TNIK: variants seen among roughly 807,000 people sequenced by gnomAD.
The protein encoded by TNIK is TRAF2 and NCK-interacting protein kinase.
Under a neutral mutation model 191.3 loss-of-function variants are expected in TNIK, and 49 were observed. The observed-to-expected ratio is 0.26, with a 90% CI of 0.20 to 0.32. The LOEUF is 0.32. TNIK is among the 10% of genes least tolerant of loss of function. The probability of loss-of-function intolerance (pLI) is 1.00; values close to 1 mark genes in which losing one functional copy is unlikely to be tolerated. For synonymous variants in TNIK, 594 were observed against 600.9 expected (o/e 0.99, Z 0.17); for missense variants, 1,155 against 1,702.3 (o/e 0.68, Z 5.66).
intron 3 of TNIK, among the ~76,000 whole-genome samples, chr3:171,214,276 A>AT (rs1741201598): frequency 6.6e-6 from 1 of 151,952 alleles, no homozygotes; most frequent in African/African-American, 2.4e-5. Flanking sequence ...GCCTCTCACA[A>AT]TATGGCCCAT....
intron 6 of TNIK, among the ~76,000 whole-genome samples, chr3:171,190,070 T>C (rs866156047): frequency 6.6e-6 from 1 of 152,208 alleles, no homozygotes; most frequent in Non-Finnish European, 1.5e-5. Flanking sequence ...TTCATGCTCT[T>C]ACTCATATAC....
chr3:171,339,907 G>A (rs1184412240), intron 2 of TNIK, among the ~76,000 whole-genome samples: 2 of 152,138 alleles, frequency 1.3e-5, no homozygotes, highest in African/African-American at 4.8e-5. Context: ...GCCTTATTAG[G>A]CTGTGTTAAT....
At chr3:171,206,335 G>GTACA (rs1553855835) in intron 4 of TNIK, among the ~76,000 whole-genome samples, 1 of 133,072 alleles carries the variant, frequency 7.5e-6, no homozygotes, top group African/African-American at 2.6e-5. Context: ...ATATGTTCGT[G>GTACA]TATATATATA....
chr3:171,339,324 A>G (rs1201032162), intron 2 of TNIK, among the ~76,000 whole-genome samples: 2 of 152,192 alleles, frequency 1.3e-5, no homozygotes, highest in Non-Finnish European at 2.9e-5. Flanking sequence ...GGCTCTAGCC[A>G]TGTGTCCACT....
In TNIK at chr3:171,093,966, G is replaced by A. The variant is rs762261994; in HGVS notation, c.2594C>T (p.Pro865Leu). ...CTCGTTGCTGCCTGGAGCTCCTGTT[G>A]GTCTGAGATGAGAAGGAACAACATT... ...VAVSDIPRLIPTGAPGSNEQY... is the reference protein window; with the variant it reads ...VAVSDIPRLILTGAPGSNEQY... The change falls in exon 23 of 33, where the codon CCA becomes CTA. Residue 865 changes from proline to leucine, a missense_variant and splice_region_variant. Pro to Leu is a moderately conservative substitution (Grantham distance 98). Transcript: ENST00000436636. The A allele has an allele frequency of 8.7e-6, 14 of 1,611,480 alleles. No homozygotes were observed. The highest frequency in any genetic ancestry group is 1.3e-5 in the African/African-American group (1 of 74,872).
chr3:171,304,862 G>A (rs564858394), intron 2 of TNIK, among the ~76,000 whole-genome samples: 1 of 152,168 alleles, frequency 6.6e-6, no homozygotes, highest in African/African-American at 2.4e-5. Context: ...CCGTTGTGGG[G>A]TGGGGGGAGT....
At chr3:171,353,642 T>TA (rs996483781) in intron 2 of TNIK, among the ~76,000 whole-genome samples, 3 of 151,902 alleles carry the variant, frequency 2.0e-5, no homozygotes, top group Non-Finnish European at 4.4e-5. Context: ...GACTCAGGAT[T>TA]AAAAAAAATA....
At chr3:171,113,610 GAAAA>G (rs558311545) in intron 18 of TNIK, among the ~76,000 whole-genome samples, 2 of 127,894 alleles carry the variant, frequency 1.6e-5, no homozygotes, top group Non-Finnish European at 1.7e-5. Context: ...TGTCTGTCTC[GAAAA>G]AAAAAAAAAG....
At chr3:171,453,690 G>C (rs1019922284) in intron 1 of TNIK, among the ~76,000 whole-genome samples, 1 of 152,172 alleles carries the variant, frequency 6.6e-6, no homozygotes, top group African/African-American at 2.4e-5. Flanking sequence ...AGGAGGAGGG[G>C]AGGTCCTGTT....
At chr3:171,239,665 G>A (rs1021324811) in intron 2 of TNIK, among the ~76,000 whole-genome samples, 3 of 152,222 alleles carry the variant, frequency 2.0e-5, no homozygotes, top group African/African-American at 7.2e-5. Context: ...ATTTGCGATT[G>A]TGATTTCTGA....
chr3:171,284,124 G>A (rs890854800), intron 2 of TNIK, among the ~76,000 whole-genome samples: 1 of 151,960 alleles, frequency 6.6e-6, no homozygotes, highest in African/African-American at 2.4e-5. Context: ...CTGGAGGGGG[G>A]CGGCAGGGAG....
chr3:171,188,921 A>C lies in TNIK; in HGVS notation c.509-89T>G, dbSNP rs1737689384. 2.1e-6 allele frequency: 3 copies of C among 1,458,414 alleles called. No homozygotes were observed. In the Admixed American group the frequency reaches 5.9e-5, roughly 29 times the overall value. 90.3% of individuals were successfully genotyped at this position (1,458,414 alleles called of 1,614,324 possible). On this transcript the variant is annotated intron_variant, in intron 6 of 32. Coordinates refer to ENST00000436636, the MANE Select transcript of TNIK (RefSeq NM_015028.4). ...ATGTGAATTATTTTATTGTGGTAAA[A>C]CATAAGTAACATAAAGTGTACAATT...
At chr3:171,378,935 A>T (rs1449239074) in intron 1 of TNIK, among the ~76,000 whole-genome samples, 1 of 152,224 alleles carries the variant, frequency 6.6e-6, no homozygotes, top group African/African-American at 2.4e-5. Flanking sequence ...ACCCTTTAGT[A>T]AACCGATGGA....
intron 21 of TNIK, among the ~76,000 whole-genome samples, chr3:171,104,459 G>C (rs1724314512): frequency 6.8e-6 from 1 of 147,084 alleles, no homozygotes; most frequent in African/African-American, 2.4e-5. Flanking sequence ...GAAAATATTT[G>C]AGAATATATA....
chr3:171,356,410 TACAAAAAC>T (rs1714078424), intron 2 of TNIK, among the ~76,000 whole-genome samples: 1 of 152,174 alleles, frequency 6.6e-6, no homozygotes, highest in South Asian at 2.1e-4. Context: ...GTGTTTGTTG[TACAAAAAC>T]ACAGTGTCCC....
chr3:171,414,576 C>T (rs1276533685), intron 1 of TNIK, among the ~76,000 whole-genome samples: 1 of 152,210 alleles, frequency 6.6e-6, no homozygotes, highest in Non-Finnish European at 1.5e-5. Flanking sequence ...TCTCAGTGTG[C>T]TAAGTGGGAC....
At chr3:171,094,729 G>T (rs999690844) in intron 22 of TNIK, among the ~76,000 whole-genome samples, 1 of 152,084 alleles carries the variant, frequency 6.6e-6, no homozygotes, top group Non-Finnish European at 1.5e-5. Flanking sequence ...CATCCTACAT[G>T]ATGCTTTCTG....
At position 171,417,538 on chromosome 3, in the gene TNIK, TA is replaced by T. The variant is rs576279283; in HGVS notation, c.57+42468del. On this transcript the variant is annotated intron_variant, in intron 1 of 32. Transcript: ENST00000436636. Reference sequence around the variant, plus strand: ...TGAAAGGTATTATAACTTATAGTTATAAAAAAAAGTTAAAAATCATTTAACT... The same window carrying T: ...TGAAAGGTATTATAACTTATAGTTATAAAAAAAGTTAAAAATCATTTAACT... 1.4e-3 allele frequency among the ~76,000 whole-genome samples: 215 copies of T among 152,190 alleles called. 1 individual carries two copies. The highest frequency in any genetic ancestry group is 6.8e-3 in the Middle Eastern group (2 of 294).
At chr3:171,392,469 T>C (rs561876112) in intron 1 of TNIK, among the ~76,000 whole-genome samples, 460 of 152,204 alleles carry the variant, frequency 3.0e-3, no homozygotes, top group Non-Finnish European at 5.4e-3. Context: ...ACCATCAGCG[T>C]TGATCATATT....
Sources: gnomAD v4.1 joint callset for allele counts (sites outside exome capture counted in the v4.1 genomes callset) on GRCh38, gnomAD v4.1.1 for gene constraint, MANE v1.5 for transcripts, NCBI Gene and HGNC (gene_info 2026-07-23, HGNC 2026-07-21) for gene names.